The following USP32 variants were observed in gnomAD, a reference collection of about 807,000 sequenced individuals.
The protein encoded by USP32 is ubiquitin carboxyl-terminal hydrolase 32.
In USP32, 59 loss-of-function variants were observed where a neutral mutation model predicts 204.8. The ratio of observed to expected loss-of-function variants is 0.29; its 90% CI spans 0.23 to 0.36. USP32 has a LOEUF of 0.36. Ranked by LOEUF, USP32 falls within the 10% of genes least tolerant of loss-of-function variation. USP32 has a pLI of 1.00. For missense variants in USP32, 1,160 were observed against 1,946.4 expected (o/e 0.60, Z 7.60); for synonymous variants, 517 against 678.4 (o/e 0.76, Z 3.70).
intron 1 of USP32, among the ~76,000 whole-genome samples, chr17:60,357,840 C>G (rs2089120008): frequency 6.6e-6 from 1 of 152,084 alleles, no homozygotes; most frequent in Admixed American, 6.6e-5. Context: ...GCAATCTCAA[C>G]TCACTGCAAC....
chr17:60,189,389 T>G (rs748374205), intron 29 of USP32, among the ~76,000 whole-genome samples: 2 of 152,228 alleles, frequency 1.3e-5, no homozygotes, highest in Non-Finnish European at 2.9e-5. Flanking sequence ...CGTTACTAAC[T>G]TATCCAAAGG....
intron 21 of USP32, among the ~76,000 whole-genome samples, chr17:60,210,478 AT>A (rs989136567): frequency 3.4e-4 from 51 of 152,018 alleles, no homozygotes; most frequent in African/African-American, 1.2e-3. Context: ...TGCCCGGCTA[AT>A]TTTTTTTAGT....
chr17:60,329,841 G>A (rs982900863), intron 2 of USP32, among the ~76,000 whole-genome samples: 4 of 152,058 alleles, frequency 2.6e-5, no homozygotes, highest in African/African-American at 9.7e-5. Context: ...CAACTCCTGC[G>A]ACTCAGTCTC....
In USP32 at chr17:60,222,473, A is replaced by T; in HGVS notation, c.1685T>A (p.Val562Asp). ...AAGTGCTCTCCACACAGGTTCTGGG[A>T]CCATTTCATAGTCTCTTCCATGAAT... Reference protein sequence around the residue: ...QLIHGRDYEMVPEPVWRALYH... With the variant: ...QLIHGRDYEMDPEPVWRALYH... The change falls in exon 15 of 34, where the codon GTC (valine) becomes GAC (aspartate). Residue 562 changes from valine to aspartate, a missense_variant. Transcript: ENST00000300896. 1 of 1,614,152 alleles carries T rather than the reference A, an allele frequency of 6.2e-7. No homozygotes were observed. Among genetic ancestry groups the T allele is most frequent in the Non-Finnish European group, 8.5e-7 (1 of 1,180,020 alleles).
intron 11 of USP32, among the ~76,000 whole-genome samples, chr17:60,246,807 A>G (rs989849822): frequency 6.6e-6 from 1 of 152,046 alleles, no homozygotes; most frequent in Non-Finnish European, 1.5e-5. Flanking sequence ...GCATTTTTTC[A>G]TATATCTGCT....
chr17:60,396,508 A>G (rs2089902244), upstream of USP32, among the ~76,000 whole-genome samples: 1 of 152,166 alleles, frequency 6.6e-6, no homozygotes, highest in African/African-American at 2.4e-5. Context: ...AGTTAAAGAA[A>G]TTTCTCCTCT....
chr17:60,278,563 G>A (rs1308424109), intron 5 of USP32, among the ~76,000 whole-genome samples: 2 of 151,890 alleles, frequency 1.3e-5, no homozygotes, highest in Non-Finnish European at 2.9e-5. Context: ...TAATAGGACA[G>A]AAAGACAAAA....
chr17:60,422,337 C>T (rs1420649864), exon 1 of USP32: 5 of 866,916 alleles, frequency 5.8e-6, no homozygotes, highest in Non-Finnish European at 8.1e-6. Context: ...AAAGTCTTCG[C>T]TCGACCCCGC....
rs35524070 is a variant in USP32 at position 60,237,112 on chromosome 17, C to CTCTATCTA, written c.1137-880_1137-873dup. Among the ~76,000 whole-genome samples, 387 of 138,224 alleles carry CTCTATCTA rather than the reference C, an allele frequency of 2.8e-3. 1 individual carries two copies. The highest frequency in any genetic ancestry group is 4.7e-3 in the East Asian group (22 of 4,632). The allele number at this position is 138,224 out of a possible 152,430, so 90.7% of individuals were successfully genotyped here. A position where few individuals can be genotyped will look rare whatever the true frequency, so the allele number is the denominator to read the frequency against. ...CTGGGATTATAAAAAAAAAAATCTA[C>CTCTATCTA]TCTATCTATCTATCTATCTATCTAT... On this transcript the variant is annotated intron_variant, in intron 11 of 33. Coordinates refer to ENST00000300896, the MANE Select transcript of USP32 (RefSeq NM_032582.4).
rs552144404 is a variant in USP32 at position 60,276,665 on chromosome 17, AAC to A, written c.572-5186_572-5185del. Among the ~76,000 whole-genome samples, 1,065 of 152,294 alleles carry A rather than the reference AAC, an allele frequency of 7.0e-3. 8 individuals are homozygous for A. The highest frequency in any genetic ancestry group is 0.012 in the Non-Finnish European group (826 of 68,006). ...GTGTTTACATAATACAGTAAATTGA[AAC>A]ACAGAAAAATCATATTAACTGTGAT... On this transcript the variant is annotated intron_variant, in intron 5 of 33. Transcript: ENST00000300896.
At position 60,349,308 on chromosome 17, in the gene USP32, G is replaced by A. The variant is rs188232046; in HGVS notation, c.59-3700C>T. ...AAAATATAATCTGGTGGCTGGGCAC[G>A]ATAGTTCACACCTGTAATGCCAGGA... is the stretch of plus-strand genomic sequence containing the variant. On this transcript the variant is annotated intron_variant, in intron 1 of 33. Transcript: ENST00000300896. Among the ~76,000 whole-genome samples the A allele has an allele frequency of 2.3e-4, 34 of 150,680 alleles. 1 individual carries two copies. Among genetic ancestry groups the A allele is most frequent in the African/African-American group, 7.8e-4 (32 of 41,242 alleles).
chr17:60,362,693 T>G (rs1286118085), intron 1 of USP32, among the ~76,000 whole-genome samples: 1 of 152,238 alleles, frequency 6.6e-6, no homozygotes, highest in Non-Finnish European at 1.5e-5. Flanking sequence ...TCTAGTTTAT[T>G]CATTTGCTTC....
chr17:60,387,222 T>G (rs1364852610), intron 1 of USP32, among the ~76,000 whole-genome samples: 1 of 152,252 alleles, frequency 6.6e-6, no homozygotes, highest in Admixed American at 6.5e-5. Flanking sequence ...AGATTAATAC[T>G]GAGAAATTGG....
chr17:60,352,219 C>A (rs2088965840), intron 1 of USP32, among the ~76,000 whole-genome samples: 2 of 152,144 alleles, frequency 1.3e-5, no homozygotes, highest in Admixed American at 6.5e-5. Context: ...ACTGGGGGGA[C>A]CTCCATGAAG....
chr17:60,202,445 A>T (rs992113503), intron 26 of USP32, among the ~76,000 whole-genome samples: 7 of 136,930 alleles, frequency 5.1e-5, no homozygotes, highest in African/African-American at 1.1e-4. Flanking sequence ...TTATCAAATC[A>T]CACACACACA....
intron 4 of USP32, among the ~76,000 whole-genome samples, chr17:60,293,073 A>C (rs2087326227): frequency 6.6e-6 from 1 of 152,184 alleles, no homozygotes; most frequent in South Asian, 2.1e-4. Flanking sequence ...ATTTACTCAA[A>C]TCTTAGTTAT....
chr17:60,250,502 A>G (rs904583733), intron 11 of USP32, among the ~76,000 whole-genome samples: 4 of 152,182 alleles, frequency 2.6e-5, no homozygotes, highest in Non-Finnish European at 5.9e-5. Context: ...AAAAGCCTTT[A>G]TGTATGTCCT....
At chr17:60,360,106 G>A (rs953386311) in intron 1 of USP32, among the ~76,000 whole-genome samples, 6 of 151,486 alleles carry the variant, frequency 4.0e-5, no homozygotes, top group African/African-American at 1.5e-4. Context: ...CTGACCTCGT[G>A]ATCCACCTGC....
intron 27 of USP32, among the ~76,000 whole-genome samples, chr17:60,194,988 G>A (rs1038833593): frequency 2.0e-5 from 3 of 152,070 alleles, no homozygotes; most frequent in Admixed American, 1.3e-4. Flanking sequence ...TCAAGAAGTC[G>A]AGAACTATAC....
Sources: allele counts gnomAD v4.1 joint callset (sites outside exome capture counted in the v4.1 genomes callset), GRCh38; gene constraint gnomAD v4.1.1; transcripts MANE v1.5; gene names NCBI Gene and HGNC (gene_info 2026-07-23, HGNC 2026-07-21).